Variants in DLGAP2 observed in about 807,000 individuals in gnomAD.
DLGAP2 encodes disks large-associated protein 2.
In DLGAP2, 26 loss-of-function variants were observed where a neutral mutation model predicts 100.3. The ratio of observed to expected loss-of-function variants is 0.26; its 90% confidence interval spans 0.19 to 0.36. The LOEUF is 0.36. DLGAP2 is among the 10% of genes least tolerant of loss of function. The pLI, the probability that DLGAP2 is intolerant of heterozygous loss-of-function variation, is 1.00. For synonymous variants in DLGAP2, 886 were observed against 630.1 expected, an observed-to-expected ratio of 1.41 and a Z score of -6.08; for missense variants, 1,858 against 1,453.2, an observed-to-expected ratio of 1.28 and a Z score of -4.53.
At chr8:848,945 A>T (rs945246102) in intron 1 of DLGAP2, among the ~76,000 whole-genome samples, 33 of 90,176 alleles carry the variant, frequency 3.7e-4, no homozygotes, top group East Asian at 1.6e-3. Flanking sequence ...CAGCATAGGA[A>T]CGCGCGGTGC....
At chr8:888,979 A>G (rs919118732) in intron 1 of DLGAP2, among the ~76,000 whole-genome samples, 1 of 152,096 alleles carries the variant, frequency 6.6e-6, no homozygotes, top group Non-Finnish European at 1.5e-5. Context: ...AAAGAGAGTC[A>G]TTGAAGGGAG....
At chr8:1,211,780 C>T (rs574066105) in intron 2 of DLGAP2, among the ~76,000 whole-genome samples, 1 of 152,330 alleles carries the variant, frequency 6.6e-6, no homozygotes, top group South Asian at 2.1e-4. Flanking sequence ...GAGGCTGAGG[C>T]AGGAGAATTG....
At chr8:1,164,480 C>G (rs1445824388) in intron 2 of DLGAP2, among the ~76,000 whole-genome samples, 1 of 151,572 alleles carries the variant, frequency 6.6e-6, no homozygotes, top group Non-Finnish European at 1.5e-5. Flanking sequence ...GGCTGACGTC[C>G]TGTTGGGGGA....
At chr8:1,216,853 GA>G (rs1265568794) in intron 2 of DLGAP2, among the ~76,000 whole-genome samples, 1 of 152,118 alleles carries the variant, frequency 6.6e-6, no homozygotes, top group African/African-American at 2.4e-5. Flanking sequence ...TTAGTTGGGG[GA>G]AAGTAATTTA....
intron 1 of DLGAP2, among the ~76,000 whole-genome samples, chr8:888,851 G>A (rs373924300): frequency 2.6e-5 from 4 of 152,256 alleles, no homozygotes; most frequent in East Asian, 1.9e-4. Context: ...GGGTCTCACC[G>A]AGTTGGGTTG....
intron 3 of DLGAP2, among the ~76,000 whole-genome samples, chr8:1,487,334 T>A (rs550670949): frequency 1.3e-5 from 2 of 152,344 alleles, no homozygotes; most frequent in African/African-American, 4.8e-5. Flanking sequence ...TAAGTAGTAC[T>A]GAAAGTGGGT....
intron 3 of DLGAP2, among the ~76,000 whole-genome samples, chr8:1,465,282 C>G (rs1798593861): frequency 6.6e-6 from 1 of 152,166 alleles, no homozygotes; most frequent in East Asian, 1.9e-4. Flanking sequence ...GGGAAGCACC[C>G]ATGTTTGGTG....
At chr8:1,514,904 G>T (rs1292842876) in intron 4 of DLGAP2, among the ~76,000 whole-genome samples, 4 of 152,200 alleles carry the variant, frequency 2.6e-5, no homozygotes, top group African/African-American at 9.6e-5. Context: ...CCAGCCCCAC[G>T]AGGGGAAGAG....
intron 3 of DLGAP2, among the ~76,000 whole-genome samples, chr8:1,454,309 C>A (rs981222030): frequency 6.6e-6 from 1 of 152,134 alleles, no homozygotes; most frequent in African/African-American, 2.4e-5. Context: ...TGAACAGTAG[C>A]ATCCATGGCA....
intron 9 of DLGAP2, among the ~76,000 whole-genome samples, chr8:1,669,409 G>A (rs1050477782): frequency 2.0e-5 from 3 of 152,248 alleles, no homozygotes; most frequent in African/African-American, 4.8e-5. Flanking sequence ...CAGGGAGGCC[G>A]GGAGATTGTC....
intron 3 of DLGAP2, among the ~76,000 whole-genome samples, chr8:1,459,684 C>CTTTTTTTT (rs3052056): frequency 1.2e-4 from 14 of 120,818 alleles, no homozygotes; most frequent in South Asian, 2.8e-4. Context: ...CTGTTGTTTT[C>CTTTTTTTT]TTTTTTTTTT....
intron 1 of DLGAP2, among the ~76,000 whole-genome samples, chr8:905,458 C>T (rs187973581): frequency 6.6e-6 from 1 of 152,258 alleles, no homozygotes; most frequent in African/African-American, 2.4e-5. Flanking sequence ...ATTCCCCCCC[C>T]ACAGCCCTTT....
At chr8:1,000,484 G>C (rs1002869933) in intron 2 of DLGAP2, among the ~76,000 whole-genome samples, 2 of 151,668 alleles carry the variant, frequency 1.3e-5, no homozygotes, top group Non-Finnish European at 2.9e-5. Context: ...AGAGCGGACA[G>C]ATCCGGGTGG....
At chr8:1,271,253 C>T (rs1212471969) in intron 3 of DLGAP2, among the ~76,000 whole-genome samples, 2 of 152,162 alleles carry the variant, frequency 1.3e-5, no homozygotes, top group Non-Finnish European at 2.9e-5. Context: ...CTCCACCCAG[C>T]ACTGAGAGAC....
intron 2 of DLGAP2, among the ~76,000 whole-genome samples, chr8:1,192,626 G>A (rs945407947): frequency 2.0e-5 from 3 of 149,676 alleles, no homozygotes; most frequent in Non-Finnish European, 3.0e-5. Flanking sequence ...ATGTCAGTGA[G>A]TGAGCTCTGG....
intron 2 of DLGAP2, among the ~76,000 whole-genome samples, chr8:1,033,424 T>G (rs554348372): frequency 6.6e-6 from 1 of 152,068 alleles, no homozygotes; most frequent in African/African-American, 2.4e-5. Context: ...CCCAGCACTT[T>G]GAGGGGCTGA....
intron 1 of DLGAP2, among the ~76,000 whole-genome samples, chr8:887,947 C>G (rs893068105): frequency 1.3e-5 from 2 of 152,198 alleles, no homozygotes. Context: ...AGAAGTTCTC[C>G]TGGATAATAT....
intron 1 of DLGAP2, among the ~76,000 whole-genome samples, chr8:748,180 G>A (rs1248460053): frequency 3.9e-5 from 4 of 103,318 alleles, no homozygotes; most frequent in African/African-American, 1.5e-4. Flanking sequence ...TGGGATGGGC[G>A]GGTCTGCGGT....
At chr8:916,282 G>A (rs1273967634) in intron 2 of DLGAP2, among the ~76,000 whole-genome samples, 1 of 152,216 alleles carries the variant, frequency 6.6e-6, no homozygotes, top group African/African-American at 2.4e-5. Flanking sequence ...CAATGCTGAT[G>A]TCACTCATGA....
Sources: gnomAD v4.1 joint callset for allele counts (sites outside exome capture counted in the v4.1 genomes callset) on GRCh38, gnomAD v4.1.1 for gene constraint, MANE v1.5 for transcripts, NCBI Gene and HGNC (gene_info 2026-07-23, HGNC 2026-07-21) for gene names.